SHQ1: variants seen among roughly 807,000 people sequenced by gnomAD.
SHQ1 encodes the protein SHQ1, H/ACA ribonucleoprotein assembly factor.
Under a neutral mutation model 53.8 loss-of-function variants are expected in SHQ1, and 49 were observed. The observed-to-expected ratio is 0.91, with a 90% CI of 0.72 to 1.16. SHQ1 has a LOEUF of 1.16. SHQ1 is among the 50% of genes most tolerant of loss of function. The pLI is 0.00. For synonymous variants in SHQ1, 243 were observed against 251.0 expected, an observed-to-expected ratio of 0.97 and a Z score of 0.30; for missense variants, 738 against 683.1, an observed-to-expected ratio of 1.08 and a Z score of -0.90.
chr3:72,836,301 A>G (rs1707992553), intron 4 of SHQ1, among the ~76,000 whole-genome samples: 1 of 152,184 alleles, frequency 6.6e-6, no homozygotes, highest in South Asian at 2.1e-4. Flanking sequence ...CATCCTGGCT[A>G]ACACGGTGAA....
the SHQ1 span, among the ~76,000 whole-genome samples, chr3:72,741,601 A>G: frequency 1.3e-5 from 2 of 151,728 alleles, no homozygotes; most frequent in African/African-American, 2.4e-5. Flanking sequence ...AAAAAAAAAG[A>G]AGGAGTGAGA....
intron 10 of SHQ1, among the ~76,000 whole-genome samples, chr3:72,754,026 C>A (rs2106705056): frequency 6.6e-6 from 1 of 152,078 alleles, no homozygotes; most frequent in Middle Eastern, 3.5e-3. Flanking sequence ...CTGCCTCTAA[C>A]TCTAATACTA....
At chr3:72,779,718 C>T (rs1371423783) in intron 10 of SHQ1, among the ~76,000 whole-genome samples, 11 of 152,184 alleles carry the variant, frequency 7.2e-5, no homozygotes, top group Non-Finnish European at 1.5e-4. Flanking sequence ...GATAACAAGA[C>T]CCCAAAAGAT....
chr3:72,742,997 A>G, the SHQ1 span, among the ~76,000 whole-genome samples: 22 of 152,314 alleles, frequency 1.4e-4, 1 homozygote, highest in African/African-American at 5.1e-4. Context: ...TCTAAATACT[A>G]TCCTTCTACT....
intron 7 of SHQ1, among the ~76,000 whole-genome samples, chr3:72,816,874 G>A (rs1219966948): frequency 2.0e-5 from 3 of 152,140 alleles, no homozygotes; most frequent in Admixed American, 1.3e-4. Flanking sequence ...AATGGGTATG[G>A]CAGTTTACCC....
chr3:72,761,266 T>C (rs549872312), intron 10 of SHQ1, among the ~76,000 whole-genome samples: 1 of 152,162 alleles, frequency 6.6e-6, no homozygotes. Context: ...CAACCTACTG[T>C]GTTCAAGCAA....
chr3:72,817,179 G>A (rs547993696), intron 7 of SHQ1, 51 bp downstream of exon 7: 2 of 1,562,514 alleles, frequency 1.3e-6, no homozygotes, highest in Admixed American at 3.7e-5. Context: ...CTTTAATGCA[G>A]TTTACTCAGC....
intron 9 of SHQ1, among the ~76,000 whole-genome samples, chr3:72,803,627 T>A (rs149755563): frequency 1.3e-5 from 2 of 152,304 alleles, no homozygotes; most frequent in African/African-American, 4.8e-5. Context: ...GGTGGTAAAT[T>A]TTCTCTGTAA....
chr3:72,793,093 G>C (rs1706493172), intron 9 of SHQ1, 57 bp from the exon 10 acceptor site: 5 of 1,465,772 alleles, frequency 3.4e-6, no homozygotes, highest in Non-Finnish European at 4.7e-6. Context: ...TTCAGACCCT[G>C]AGAGGTAATA....
At chr3:72,736,788 G>A in the SHQ1 span, among the ~76,000 whole-genome samples, 1 of 20,856 alleles carries the variant, frequency 4.8e-5, no homozygotes, top group African/African-American at 1.4e-4. Context: ...GTGAGACTCC[G>A]TTTCAAAAAA....
At chr3:72,802,495 G>A (rs1008089092) in intron 9 of SHQ1, among the ~76,000 whole-genome samples, 1 of 152,112 alleles carries the variant, frequency 6.6e-6, no homozygotes, top group Non-Finnish European at 1.5e-5. Context: ...TTTCAGCCCG[G>A]TCCCAGCACA....
At chr3:72,764,324 T>C (rs1705671829) in intron 10 of SHQ1, among the ~76,000 whole-genome samples, 1 of 152,094 alleles carries the variant, frequency 6.6e-6, no homozygotes, top group Non-Finnish European at 1.5e-5. Context: ...CTAGATTATT[T>C]GCATGAGCCA....
chr3:72,812,552 A>G lies in SHQ1; in HGVS notation c.1060+119T>C, dbSNP rs970375157. On this transcript the variant is annotated intron_variant, in intron 9 of 10. Coordinates refer to ENST00000325599, the MANE Select transcript of SHQ1 (RefSeq NM_018130.3). ...AATTCTATACTTTAAAAGTGGTTGG[A>G]TTCATTTTTCATTACTTATTTATAT... 8 of 1,087,656 alleles carry G rather than the reference A, an allele frequency of 7.4e-6. No individual in the cohort carries two copies. In the African/African-American group the frequency reaches 1.1e-4, roughly 15 times the overall value. The allele number at this position is 1,087,656 out of a possible 1,614,324, so 67.4% of individuals were successfully genotyped here.
chr3:72,823,337 C>T (rs1707542680), intron 6 of SHQ1, among the ~76,000 whole-genome samples: 1 of 152,024 alleles, frequency 6.6e-6, no homozygotes, highest in African/African-American at 2.4e-5. Context: ...CTTTATATAA[C>T]AGGCACTATA....
intron 4 of SHQ1, among the ~76,000 whole-genome samples, chr3:72,838,965 A>AC (rs1396607030): frequency 1.3e-5 from 2 of 152,204 alleles, no homozygotes; most frequent in African/African-American, 4.8e-5. Context: ...AAAAAAAAAA[A>AC]ACCTAAATTA....
At chr3:72,802,654 ATCT>A (rs1401169165) in intron 9 of SHQ1, among the ~76,000 whole-genome samples, 3 of 151,968 alleles carry the variant, frequency 2.0e-5, no homozygotes, top group Admixed American at 2.0e-4. Flanking sequence ...GCTCCTCCAC[ATCT>A]TCTTTTCTAA....
At chr3:72,825,402 T>C (rs1407800254) in intron 5 of SHQ1, among the ~76,000 whole-genome samples, 16 of 137,188 alleles carry the variant, frequency 1.2e-4, no homozygotes, top group African/African-American at 4.2e-4. Flanking sequence ...ACACACACCA[T>C]TTTTGGCATG....
At chr3:72,846,293 A>AT (rs755453038) in intron 1 of SHQ1, 1 of 1,482,194 alleles carries the variant, frequency 6.7e-7, no homozygotes, top group Admixed American at 2.2e-5. Context: ...AGCAAACTGT[A>AT]TGTTCTTTTT....
At chr3:72,833,538 T>C (rs777668390) in intron 4 of SHQ1, among the ~76,000 whole-genome samples, 59 of 69,026 alleles carry the variant, frequency 8.5e-4, no homozygotes, top group Admixed American at 2.4e-3. Context: ...GATAGACAGA[T>C]AGATAGATAG....
Sources: allele counts gnomAD v4.1 joint callset (sites outside exome capture counted in the v4.1 genomes callset), GRCh38; gene constraint gnomAD v4.1.1; transcripts MANE v1.5; gene names NCBI Gene and HGNC (gene_info 2026-07-23, HGNC 2026-07-21).